STARD13: variants seen among roughly 807,000 people sequenced by gnomAD.
STARD13 encodes the protein StAR related lipid transfer domain containing 13.
In STARD13, 62 loss-of-function variants were observed where a neutral mutation model predicts 106.4. The ratio of observed to expected loss-of-function variants is 0.58; its 90% CI spans 0.48 to 0.72. The LOEUF is 0.72. Among genes scored for constraint, STARD13 ranks in the 30% least tolerant of loss-of-function variants. The pLI is 0.00. For missense variants in STARD13, 1,387 were observed against 1,424.0 expected, an observed-to-expected ratio of 0.97 and a Z score of 0.42; for synonymous variants, 565 against 553.0, an observed-to-expected ratio of 1.02 and a Z score of -0.31.
intron 1 of STARD13, among the ~76,000 whole-genome samples, chr13:33,210,238 G>A (rs752347856): frequency 2.0e-5 from 3 of 152,186 alleles, no homozygotes; most frequent in Non-Finnish European, 2.9e-5. Context: ...CAAGGGAGGA[G>A]CCCTTACAAA....
chr13:33,519,210 T>TC, the STARD13 span, among the ~76,000 whole-genome samples: 2,607 of 65,782 alleles, frequency 0.04, 39 homozygotes, highest in East Asian at 0.083. Context: ...TGGTAATTTT[T>TC]TCTTTCTTTC....
chr13:33,492,225 ATGATGGC>A, the STARD13 span, among the ~76,000 whole-genome samples: 1 of 152,204 alleles, frequency 6.6e-6, no homozygotes, highest in Non-Finnish European at 1.5e-5. Context: ...CACAGGGGAT[ATGATGGC>A]TTAGCTTGGG....
chr13:33,564,203 T>A, the STARD13 span, among the ~76,000 whole-genome samples: 1 of 99,402 alleles, frequency 1.0e-5, no homozygotes, highest in South Asian at 3.0e-4. Flanking sequence ...TGCGACTGTA[T>A]CTCAAAAAAA....
At chr13:33,655,079 C>G in the STARD13 span, among the ~76,000 whole-genome samples, 2 of 152,222 alleles carry the variant, frequency 1.3e-5, no homozygotes, top group African/African-American at 4.8e-5. Flanking sequence ...TTTAGAAATA[C>G]AAGCTAAGAA....
At chr13:33,461,089 G>A in the STARD13 span, among the ~76,000 whole-genome samples, 1 of 152,208 alleles carries the variant, frequency 6.6e-6, no homozygotes, top group African/African-American at 2.4e-5. Flanking sequence ...GATGACAGTT[G>A]TGAGGAAGGA....
the STARD13 span, among the ~76,000 whole-genome samples, chr13:33,454,605 G>T: frequency 2.0e-5 from 3 of 152,190 alleles, no homozygotes; most frequent in Non-Finnish European, 2.9e-5. Flanking sequence ...ACGACCTGAG[G>T]CTTCTGATTC....
chr13:33,377,401 G>A, the STARD13 span, among the ~76,000 whole-genome samples: 2 of 152,188 alleles, frequency 1.3e-5, no homozygotes, highest in Admixed American at 6.5e-5. Context: ...TGACTTTAAT[G>A]ATACTGAATG....
the STARD13 span, among the ~76,000 whole-genome samples, chr13:33,585,213 G>C: frequency 9.2e-5 from 14 of 152,168 alleles, no homozygotes; most frequent in African/African-American, 3.4e-4. Flanking sequence ...ATGGAAAATA[G>C]TATGGCAGTT....
chr13:33,144,265 A>G (rs1249188629), intron 3 of STARD13, among the ~76,000 whole-genome samples: 3 of 152,188 alleles, frequency 2.0e-5, no homozygotes, highest in African/African-American at 4.8e-5. Context: ...AGCATCACCA[A>G]TGGGCCATCC....
chr13:33,617,676 G>T, the STARD13 span, among the ~76,000 whole-genome samples: 18 of 152,108 alleles, frequency 1.2e-4, no homozygotes, highest in Admixed American at 3.3e-4. Flanking sequence ...GTAACAGCAG[G>T]TGGTAGAGAT....
chr13:33,223,456 C>T (rs1594128600), intron 1 of STARD13, among the ~76,000 whole-genome samples: 2 of 152,014 alleles, frequency 1.3e-5, no homozygotes, highest in South Asian at 4.2e-4. Flanking sequence ...GTCAGGAGTT[C>T]GAGACCAGCC....
the STARD13 span, among the ~76,000 whole-genome samples, chr13:33,407,633 C>T: frequency 2.0e-5 from 3 of 152,178 alleles, no homozygotes; most frequent in Non-Finnish European, 4.4e-5. Context: ...ATAATCTACA[C>T]ACATATCTCA....
At chr13:33,552,997 CTAAAA>C in the STARD13 span, among the ~76,000 whole-genome samples, 2 of 151,752 alleles carry the variant, frequency 1.3e-5, no homozygotes, top group African/African-American at 4.8e-5. Context: ...ACTGTACTAG[CTAAAA>C]TATAATATGG....
At chr13:33,147,094 G>A (rs775198380) in intron 3 of STARD13, among the ~76,000 whole-genome samples, 8 of 152,216 alleles carry the variant, frequency 5.3e-5, no homozygotes, top group Non-Finnish European at 8.8e-5. Flanking sequence ...CTTATACCCA[G>A]GGTGTTTGTC....
chr13:33,605,672 A>G, the STARD13 span, among the ~76,000 whole-genome samples: 2 of 152,300 alleles, frequency 1.3e-5, no homozygotes, highest in South Asian at 2.1e-4. Context: ...CTGGTTGTCA[A>G]AGTTTTCAAA....
intron 1 of STARD13, among the ~76,000 whole-genome samples, chr13:33,293,558 T>A (rs947474600): frequency 1.3e-5 from 2 of 152,198 alleles, no homozygotes; most frequent in East Asian, 1.9e-4. Context: ...TGGTTAATAC[T>A]GAGTGTCAAC....
the STARD13 span, among the ~76,000 whole-genome samples, chr13:33,610,760 A>C: frequency 6.6e-6 from 1 of 152,184 alleles, no homozygotes; most frequent in Non-Finnish European, 1.5e-5. Context: ...TCTTCCGCTG[A>C]GATCAGGACT....
intron 1 of STARD13, among the ~76,000 whole-genome samples, chr13:33,198,137 C>T (rs534286260): frequency 5.9e-5 from 9 of 152,342 alleles, no homozygotes; most frequent in South Asian, 4.1e-4. Context: ...CACTGCACTC[C>T]GGCCTGGGCC....
chr13:33,197,116 C>A (rs531068528), intron 1 of STARD13, among the ~76,000 whole-genome samples: 1 of 152,302 alleles, frequency 6.6e-6, no homozygotes, highest in Non-Finnish European at 1.5e-5. Flanking sequence ...TGCTTCCCAG[C>A]CTTTTTCACA....
Sources: gnomAD v4.1 joint callset for allele counts (sites outside exome capture counted in the v4.1 genomes callset) on GRCh38, gnomAD v4.1.1 for gene constraint, MANE v1.5 for transcripts, NCBI Gene and HGNC (gene_info 2026-07-23, HGNC 2026-07-21) for gene names.